MCUR1: variants seen among roughly 807,000 people sequenced by gnomAD.
MCUR1 encodes MCU regulator 1.
Under a neutral mutation model 42.0 loss-of-function variants are expected in MCUR1, and 37 were observed. The observed-to-expected ratio is 0.88, with a 90% CI of 0.68 to 1.16. The LOEUF (loss-of-function observed/expected upper bound fraction) is 1.16. MCUR1 is among the 50% of genes most tolerant of loss of function. The pLI, the probability that MCUR1 is intolerant of heterozygous loss-of-function variation, is 0.00. For missense variants in MCUR1, 469 were observed against 468.4 expected, an observed-to-expected ratio of 1.00 and a Z score of -0.01; for synonymous variants, 229 against 196.2, an observed-to-expected ratio of 1.17 and a Z score of -1.40.
intron 4 of MCUR1, 133 bp downstream of exon 4, chr6:13,801,155 G>A (rs907498754): frequency 2.9e-5 from 19 of 659,970 alleles, no homozygotes; most frequent in African/African-American, 1.8e-4. Flanking sequence ...TTTCCTGCTC[G>A]ATCTGACTGG....
At chr6:13,794,793 T>A (rs1464918078) in intron 6 of MCUR1, among the ~76,000 whole-genome samples, 1 of 151,990 alleles carries the variant, frequency 6.6e-6, no homozygotes, top group Non-Finnish European at 1.5e-5. Context: ...TTGGTTTTAA[T>A]AACAATAAAA....
chr6:13,806,916 G>A lies in MCUR1; in HGVS notation c.535+9C>T, dbSNP rs889275950. ...CTAAGGCACTAAATGACGAATGACA[G>A]AGGATTACCATTGTCTTCCAGTAAG... On this transcript the variant is annotated intron_variant, in intron 2 of 8. Transcript: ENST00000379170. 7.6e-6 allele frequency: 12 copies of A among 1,583,058 alleles called. No homozygotes were observed. In the African/African-American group the frequency reaches 1.4e-4, roughly 18 times the overall value.
rs1432208829 is a variant in MCUR1 at position 13,787,670 on chromosome 6, T to G, written c.*3139A>C. 1 of 152,114 alleles carries G rather than the reference T, an allele frequency of 6.6e-6. No individual in the cohort carries two copies. Among genetic ancestry groups the G allele is most frequent in the Non-Finnish European group, 1.5e-5 (1 of 68,032 alleles). The allele number at this position is 152,114 out of a possible 1,614,324, so 9.4% of individuals were successfully genotyped here. ...CCATGTGAGATTCTGCTTCAGGTATTGGACATCGTTCCCTCCACCTGCACC... is the reference window on the plus strand; with the variant it reads ...CCATGTGAGATTCTGCTTCAGGTATGGGACATCGTTCCCTCCACCTGCACC... On this transcript the variant is annotated 3_prime_UTR_variant, in exon 9 of 9. Transcript: ENST00000379170.
rs1760316688 is a variant in MCUR1 at position 13,814,261 on chromosome 6, G to A, written c.169C>T (p.Pro57Ser). 1 of 1,475,434 alleles carries A rather than the reference G, an allele frequency of 6.8e-7. No individual in the cohort carries two copies. The highest frequency in any genetic ancestry group is 8.9e-7 in the Non-Finnish European group (1 of 1,120,822). 91.4% of individuals were successfully genotyped at this position (1,475,434 alleles called of 1,614,324 possible). The change falls in exon 1 of 9, where the codon CCG becomes TCG. Residue 57 changes from proline (P) to serine (S), a missense_variant. By Grantham distance (74) the Pro-to-Ser change is moderately conservative. Coordinates refer to ENST00000379170, the MANE Select transcript of MCUR1 (RefSeq NM_001031713.4). ...CGTGACACGCCGCCGCGGGCCGCCG[G>A]GGCGCGAGGGCGCAGCGCCCCCAGA... is the stretch of plus-strand genomic sequence containing the variant. ...DGLGALRPRA[P>S]AARGGVSRAS...
At chr6:13,803,802 C>T (rs1760045580) in intron 2 of MCUR1, 4 of 985,200 alleles carry the variant, frequency 4.1e-6, no homozygotes, top group Non-Finnish European at 4.8e-6. Flanking sequence ...TTTAAAAACT[C>T]AAACTAAACT....
In MCUR1 at chr6:13,802,255, G is replaced by A; in HGVS notation, c.627C>T (p.Thr209=). 5 of 1,613,584 alleles carry A rather than the reference G, an allele frequency of 3.1e-6. No individual in the cohort carries two copies. Among genetic ancestry groups the A allele is most frequent in the Non-Finnish European group, 4.2e-6 (5 of 1,179,656 alleles). Residue 209 remains threonine, a synonymous_variant, in exon 3 of 9, where the codon ACC becomes ACT. Coordinates refer to ENST00000379170, the MANE Select transcript of MCUR1 (RefSeq NM_001031713.4). ...CAACAAGGCTAACCTGCTGCATCTTGGTGACCATATCTTTGTAGACGATGT... is the reference window on the plus strand; with the variant it reads ...CAACAAGGCTAACCTGCTGCATCTTAGTGACCATATCTTTGTAGACGATGT... ...NMDIVYKDMV[T]KMQQEITFQQ...
In MCUR1 at chr6:13,801,479, C is replaced by G. The variant is rs1561732983; in HGVS notation, c.640-90G>C. ...AATGTGCTATCTTCTTATTGAGAAA[C>G]CAGGACAATGTGGACACAAAAAGAG... On this transcript the variant is annotated intron_variant, in intron 3 of 8. Transcript: ENST00000379170. 3 of 870,706 alleles carry G rather than the reference C, an allele frequency of 3.4e-6. No homozygotes were observed. In the East Asian group the frequency reaches 7.5e-5, roughly 22 times the overall value. The allele number at this position is 870,706 out of a possible 1,614,324, so 53.9% of individuals were successfully genotyped here.
Position 13,787,348 on chromosome 6 carries a change from T to C in MCUR1, c.*3461A>G, listed in dbSNP as rs1374676910. The stretch of plus-strand genomic sequence containing the variant: ...GAGTCAAGCCTTTCAACCGAGGTGC[T>C]TGGCATACTTAACGGAAAAAGCGAG... On this transcript the variant is annotated 3_prime_UTR_variant, in exon 9 of 9. Coordinates refer to ENST00000379170, the MANE Select transcript of MCUR1 (RefSeq NM_001031713.4). The C allele has an allele frequency of 6.6e-6, 1 of 152,194 alleles. No individual in the cohort carries two copies. The highest frequency in any genetic ancestry group is 1.9e-4 in the East Asian group (1 of 5,192). The allele number at this position is 152,194 out of a possible 1,614,324, so 9.4% of individuals were successfully genotyped here. A position where few individuals can be genotyped will look rare whatever the true frequency, so the allele number is the denominator to read the frequency against.
chr6:13,797,106 A>G (rs964055771), intron 6 of MCUR1, among the ~76,000 whole-genome samples: 1 of 152,222 alleles, frequency 6.6e-6, no homozygotes, highest in African/African-American at 2.4e-5. Flanking sequence ...ATCCAGTGGC[A>G]GTTCCAAAAC....
intron 2 of MCUR1, chr6:13,803,904 G>A (rs918447565): frequency 3.1e-6 from 3 of 978,072 alleles, no homozygotes; most frequent in African/African-American, 1.8e-5. Context: ...AGACCAAGGC[G>A]GGAGGATCTT....
chr6:13,813,007 T>C (rs1398608031), intron 1 of MCUR1, among the ~76,000 whole-genome samples: 1 of 152,232 alleles, frequency 6.6e-6, no homozygotes, highest in East Asian at 1.9e-4. Flanking sequence ...TATGAGACTA[T>C]AATACATATT....
intron 6 of MCUR1, among the ~76,000 whole-genome samples, chr6:13,798,506 A>G (rs914492234): frequency 9.2e-5 from 14 of 152,168 alleles, no homozygotes; most frequent in Non-Finnish European, 1.6e-4. Flanking sequence ...TACAAGATCA[A>G]GACCTATGAA....
chr6:13,798,285 C>T (rs1241856572), intron 6 of MCUR1, among the ~76,000 whole-genome samples: 1 of 151,834 alleles, frequency 6.6e-6, no homozygotes, highest in Non-Finnish European at 1.5e-5. Flanking sequence ...TTAGTACAGA[C>T]AGGGTTTCAC....
chr6:13,808,769 A>C (rs1229176620), intron 1 of MCUR1, among the ~76,000 whole-genome samples: 1 of 152,038 alleles, frequency 6.6e-6, no homozygotes, highest in Admixed American at 6.6e-5. Flanking sequence ...CTCCACTGAA[A>C]TGTCTTGTCA....
chr6:13,793,022 G>A (rs555261998), intron 7 of MCUR1, among the ~76,000 whole-genome samples: 2 of 150,828 alleles, frequency 1.3e-5, no homozygotes, highest in South Asian at 4.2e-4. Flanking sequence ...GGTGGTGTGA[G>A]CCTGTGGTCC....
intron 6 of MCUR1, among the ~76,000 whole-genome samples, chr6:13,797,304 TA>T (rs1759876500): frequency 2.0e-5 from 3 of 152,124 alleles, no homozygotes; most frequent in African/African-American, 7.2e-5. Flanking sequence ...ATGCTAAGAA[TA>T]AAAAAGGCAC....
In MCUR1 at chr6:13,814,492, G is replaced by A. The variant is rs1760332874; in HGVS notation, c.-63C>T. On this transcript the variant is annotated 5_prime_UTR_variant, in exon 1 of 9. Transcript: ENST00000379170. ...CTCTCGCTTTTGGCGCCGGCCACGC[G>A]CGGTCCAGGCCCAGAGTCCGACAGC... The A allele has an allele frequency of 2.8e-6, 4 of 1,411,318 alleles. No homozygotes were observed. The African/African-American group carries it at 6.0e-5, about 21-fold the overall frequency. The allele number at this position is 1,411,318 out of a possible 1,614,324, so 87.4% of individuals were successfully genotyped here.
chr6:13,814,424 G>C lies in MCUR1; in HGVS notation c.6C>G (p.Asp2Glu), dbSNP rs764289377. 3.3e-6 allele frequency: 5 copies of C among 1,536,712 alleles called. No homozygotes were observed. Among genetic ancestry groups the C allele is most frequent in the Non-Finnish European group, 4.3e-6 (5 of 1,152,414 alleles). Residue 2 changes from aspartate (D) to glutamate (E), a missense_variant, in exon 1 of 9, where the codon GAC becomes GAG. Coordinates refer to ENST00000379170, the MANE Select transcript of MCUR1 (RefSeq NM_001031713.4). ...TCCTCTGGCCGCCGACCGAGCCGCA[G>C]TCCATCCCCGAGCAGTTCACTGGCC... The part of the protein sequence containing the change: M[D>E]CGSVGGQRTQ...
chr6:13,800,265 T>C, intron 5 of MCUR1, 76 bp downstream of exon 5: 2 of 958,806 alleles, frequency 2.1e-6, no homozygotes, highest in South Asian at 3.4e-5. Context: ...TTTAAAAACA[T>C]CCATTTCTAA....
Sources: allele counts gnomAD v4.1 joint callset (sites outside exome capture counted in the v4.1 genomes callset), GRCh38; gene constraint gnomAD v4.1.1; transcripts MANE v1.5; gene names NCBI Gene and HGNC (gene_info 2026-07-23, HGNC 2026-07-21).